Variants in HOMER2 observed in about 807,000 individuals in gnomAD.
The protein encoded by HOMER2 is homer protein homolog 2.
HOMER2 carries 27 observed loss-of-function variants against 47.0 expected under a neutral mutation model. The observed-to-expected ratio is 0.57, with a 90% CI of 0.42 to 0.79. HOMER2 has a LOEUF of 0.79. Ranked by LOEUF, HOMER2 falls within the 30% of genes least tolerant of loss-of-function variation. The pLI, the probability that HOMER2 is intolerant of heterozygous loss-of-function variation, is 0.00. For synonymous variants in HOMER2, 161 were observed against 163.8 expected (o/e 0.98, Z 0.13); for missense variants, 443 against 435.0 (o/e 1.02, Z -0.16).
At chr15:82,899,425 A>C (rs1370720860) in intron 1 of HOMER2, among the ~76,000 whole-genome samples, 2 of 152,244 alleles carry the variant, frequency 1.3e-5, no homozygotes, top group Admixed American at 1.3e-4. Flanking sequence ...GCCAGCCAGC[A>C]GGGCCAAATC....
In HOMER2 at chr15:82,939,771, A is replaced by G. The variant is rs139244123; in HGVS notation, c.5+12760T>C. Among the ~76,000 whole-genome samples the G allele has an allele frequency of 2.2e-4, 34 of 152,350 alleles. 1 individual carries two copies. In the East Asian group the frequency reaches 6.4e-3, roughly 28 times the overall value. ...ACTGACAGCTTTGGTAGGCTACTGA[A>G]TCTCTTAAGCCCAGTCTCTTCAACT... On this transcript the variant is annotated intron_variant, in intron 1 of 8. Transcript: ENST00000450735.
chr15:82,910,476 C>T (rs2053420927), intron 1 of HOMER2, among the ~76,000 whole-genome samples: 1 of 152,136 alleles, frequency 6.6e-6, no homozygotes, highest in Non-Finnish European at 1.5e-5. Context: ...ATACTAGCCA[C>T]GTAGGTCATG....
chr15:82,897,719 G>C (rs1211775909), intron 1 of HOMER2, among the ~76,000 whole-genome samples: 3 of 152,220 alleles, frequency 2.0e-5, no homozygotes, highest in African/African-American at 7.2e-5. Context: ...AATGAGGAAA[G>C]ACTCCAGCCA....
intron 2 of HOMER2, among the ~76,000 whole-genome samples, chr15:82,876,134 G>A (rs1370567763): frequency 3.9e-5 from 6 of 152,158 alleles, no homozygotes; most frequent in Non-Finnish European, 2.9e-5. Flanking sequence ...GTGGGGAACT[G>A]GGGGAGCAAA....
At chr15:82,879,222 T>A (rs955448089) in intron 2 of HOMER2, among the ~76,000 whole-genome samples, 6 of 152,148 alleles carry the variant, frequency 3.9e-5, no homozygotes, top group African/African-American at 1.2e-4. Context: ...TAATCGTAGT[T>A]TGCAGGCTCA....
At chr15:82,873,104 C>A (rs1294829266) in intron 3 of HOMER2, among the ~76,000 whole-genome samples, 1 of 152,114 alleles carries the variant, frequency 6.6e-6, no homozygotes, top group African/African-American at 2.4e-5. Context: ...GAAAAAGGCA[C>A]CAAATGGCCT....
At chr15:82,895,660 G>A (rs2052886330) in intron 1 of HOMER2, among the ~76,000 whole-genome samples, 1 of 152,206 alleles carries the variant, frequency 6.6e-6, no homozygotes, top group African/African-American at 2.4e-5. Context: ...TGGGCTGGGG[G>A]CCCACGGGTT....
chr15:82,880,338 C>T (rs1002237981), intron 2 of HOMER2, among the ~76,000 whole-genome samples: 1 of 152,192 alleles, frequency 6.6e-6, no homozygotes, highest in African/African-American at 2.4e-5. Flanking sequence ...GATATATACA[C>T]ATGTGGCAAA....
rs528982509 is a variant in HOMER2, at chr15:82,892,841, T to C, written c.6A>G (p.Gly2=). 6 of 1,575,044 alleles carry C rather than the reference T, an allele frequency of 3.8e-6. No homozygotes were observed. In the African/African-American group the frequency reaches 8.1e-5, roughly 21 times the overall value. M[G]EQPIFTTRAH... The stretch of plus-strand genomic sequence containing the variant: ...CTCGGGTGGTGAAGATGGGCTGTTC[T>C]CTGCAATAAGAGAGTGGGCGTGTGA... Residue 2 remains glycine (G), a splice_region_variant and synonymous_variant, in exon 2 of 9, where the codon GGA becomes GGG. Transcript: ENST00000450735.
chr15:82,980,095 T>C (rs2151263480), intron 1 of HOMER2, among the ~76,000 whole-genome samples: 1 of 152,244 alleles, frequency 6.6e-6, no homozygotes, highest in South Asian at 2.1e-4. Context: ...ATTATATATA[T>C]GTATGCATGT....
upstream of HOMER2, among the ~76,000 whole-genome samples, chr15:82,955,861 A>G (rs1479452799): frequency 1.3e-5 from 2 of 152,216 alleles, no homozygotes; most frequent in African/African-American, 2.4e-5. Context: ...TCACACAAAT[A>G]TATAAGCTAC....
At chr15:82,934,874 TCTC>T (rs1181234697) in intron 1 of HOMER2, among the ~76,000 whole-genome samples, 1 of 152,086 alleles carries the variant, frequency 6.6e-6, no homozygotes, top group Non-Finnish European at 1.5e-5. Context: ...CACATCACCT[TCTC>T]CTCCAGCTTC....
chr15:82,935,482 G>A (rs546611261), intron 1 of HOMER2, among the ~76,000 whole-genome samples: 135 of 152,026 alleles, frequency 8.9e-4, no homozygotes, highest in African/African-American at 3.1e-3. Flanking sequence ...CCCTCCCTGG[G>A]TGACCTCACT....
chr15:82,937,845 T>C (rs1235446564), intron 1 of HOMER2, among the ~76,000 whole-genome samples: 2 of 152,192 alleles, frequency 1.3e-5, no homozygotes, highest in African/African-American at 4.8e-5. Flanking sequence ...TGCTTGCATC[T>C]GTTCTTACTC....
chr15:82,870,883 G>T (rs2052154492), intron 3 of HOMER2, among the ~76,000 whole-genome samples: 1 of 152,174 alleles, frequency 6.6e-6, no homozygotes, highest in African/African-American at 2.4e-5. Flanking sequence ...CCCCATTAAG[G>T]GCAGAATATG....
intron 1 of HOMER2, among the ~76,000 whole-genome samples, chr15:82,920,960 A>G (rs1323994717): frequency 1.3e-5 from 2 of 151,440 alleles, no homozygotes; most frequent in Non-Finnish European, 2.9e-5. Flanking sequence ...TGCGACTACC[A>G]CAGCACTCAG....
At position 82,901,930 on chromosome 15, in the gene HOMER2, C is replaced by T. The variant is rs565568229; in HGVS notation, c.6-9089G>A. On this transcript the variant is annotated intron_variant, in intron 1 of 8. Transcript: ENST00000450735. The stretch of plus-strand genomic sequence containing the variant: ...AATACACAGGTATCTGTCGTGTTAG[C>T]CACAACACAGGTGTATTCTTGCTCT... Among the ~76,000 whole-genome samples the T allele has an allele frequency of 2.0e-5, 3 of 152,306 alleles. No homozygotes were observed. The South Asian group carries it at 6.2e-4, about 32-fold the overall frequency.
chr15:82,918,514 G>T (rs1398918411), intron 1 of HOMER2, among the ~76,000 whole-genome samples: 2 of 152,052 alleles, frequency 1.3e-5, no homozygotes, highest in Admixed American at 1.3e-4. Flanking sequence ...GTGGTCTGGT[G>T]GGGGCTCATT....
intron 1 of HOMER2, among the ~76,000 whole-genome samples, chr15:82,905,927 AATTG>A (rs1175480368): frequency 6.6e-6 from 1 of 152,226 alleles, no homozygotes; most frequent in East Asian, 1.9e-4. Context: ...TGTTATTCTT[AATTG>A]ATCTAACAGA....
Sources: gnomAD v4.1 joint callset for allele counts (sites outside exome capture counted in the v4.1 genomes callset) on GRCh38, gnomAD v4.1.1 for gene constraint, MANE v1.5 for transcripts, NCBI Gene and HGNC (gene_info 2026-07-23, HGNC 2026-07-21) for gene names.